Variants in MAGI1 observed in about 807,000 individuals in gnomAD.
MAGI1 encodes the protein membrane associated guanylate kinase, WW and PDZ domain containing 1, also known as membrane-associated guanylate kinase, WW and PDZ domain-containing protein 1.
A neutral mutation model predicts 139.9 loss-of-function variants in MAGI1; 58 were observed. The ratio of observed to expected loss-of-function variants is 0.41; its 90% CI spans 0.34 to 0.52. The LOEUF (loss-of-function observed/expected upper bound fraction) is 0.52. MAGI1 is among the 20% of genes least tolerant of loss of function. The pLI, the probability that MAGI1 is intolerant of heterozygous loss-of-function variation, is 0.12. For missense variants in MAGI1, 1,874 were observed against 1,901.6 expected (o/e 0.99, Z 0.27); for synonymous variants, 812 against 737.9 (o/e 1.10, Z -1.63).
At chr3:65,673,498 T>C (rs149578236) in intron 1 of MAGI1, among the ~76,000 whole-genome samples, 229 of 152,320 alleles carry the variant, frequency 1.5e-3, no homozygotes, top group Middle Eastern at 3.4e-3. Context: ...CCCTGGGGCA[T>C]ATTACCTTGG....
intron 12 of MAGI1, among the ~76,000 whole-genome samples, chr3:65,424,135 G>C (rs80333356): frequency 0.018 from 2,732 of 152,192 alleles, 77 homozygotes; most frequent in African/African-American, 0.062. Context: ...GTATGTATGT[G>C]TATTGCATGT....
At chr3:65,779,741 G>C (rs1432975762) in intron 1 of MAGI1, among the ~76,000 whole-genome samples, 1 of 152,184 alleles carries the variant, frequency 6.6e-6, no homozygotes, top group Non-Finnish European at 1.5e-5. Flanking sequence ...GCACCATGGA[G>C]AGAAAGATCT....
chr3:65,682,943 G>A (rs528647525), intron 1 of MAGI1, among the ~76,000 whole-genome samples: 2 of 152,162 alleles, frequency 1.3e-5, no homozygotes, highest in Admixed American at 1.3e-4. Context: ...ATGGTTTCGG[G>A]ATGAAACTGT....
intron 1 of MAGI1, among the ~76,000 whole-genome samples, chr3:65,939,077 A>G (rs951506943): frequency 6.6e-6 from 1 of 152,186 alleles, no homozygotes; most frequent in Non-Finnish European, 1.5e-5. Context: ...TTATATTGCT[A>G]AAGAAAAAGA....
intron 1 of MAGI1, among the ~76,000 whole-genome samples, chr3:65,787,826 A>T (rs1241168508): frequency 1.3e-5 from 2 of 152,132 alleles, no homozygotes; most frequent in Non-Finnish European, 2.9e-5. Flanking sequence ...TTTCTCAGAA[A>T]ATAATAGCCT....
chr3:65,679,229 G>C (rs988913991), intron 1 of MAGI1, among the ~76,000 whole-genome samples: 2 of 152,108 alleles, frequency 1.3e-5, no homozygotes, highest in African/African-American at 4.8e-5. Flanking sequence ...CATTGTGTTT[G>C]ATATATGAAT....
intron 1 of MAGI1, among the ~76,000 whole-genome samples, chr3:66,000,228 G>A (rs774205766): frequency 2.0e-5 from 3 of 151,716 alleles, no homozygotes; most frequent in Non-Finnish European, 4.4e-5. Flanking sequence ...TGCCCGCCTC[G>A]GCCTCCCAAA....
intron 4 of MAGI1, among the ~76,000 whole-genome samples, chr3:65,475,445 C>G (rs1002200470): frequency 1.7e-4 from 26 of 152,112 alleles, no homozygotes; most frequent in Admixed American, 3.9e-4. Flanking sequence ...AACTCCTGAC[C>G]TCAGGTGATC....
chr3:65,797,666 T>G (rs1470755757), intron 1 of MAGI1, among the ~76,000 whole-genome samples: 1 of 152,056 alleles, frequency 6.6e-6, no homozygotes, highest in African/African-American at 2.4e-5. Context: ...CAGTAGGCCA[T>G]GATCACACCA....
intron 1 of MAGI1, among the ~76,000 whole-genome samples, chr3:65,834,277 C>G (rs2042684098): frequency 6.6e-6 from 1 of 152,198 alleles, no homozygotes; most frequent in South Asian, 2.1e-4. Flanking sequence ...ATTTAAAGCT[C>G]AGAATGAATC....
chr3:65,814,280 T>C (rs2041465053), intron 1 of MAGI1, among the ~76,000 whole-genome samples: 1 of 152,066 alleles, frequency 6.6e-6, no homozygotes, highest in Non-Finnish European at 1.5e-5. Context: ...TTCTCTAAGG[T>C]GGTAGTAAAA....
At chr3:65,918,181 G>A (rs1029813451) in intron 1 of MAGI1, among the ~76,000 whole-genome samples, 1 of 152,140 alleles carries the variant, frequency 6.6e-6, no homozygotes, top group Non-Finnish European at 1.5e-5. Context: ...ACACACTGAG[G>A]TAGGGTCAGA....
At chr3:65,442,978 T>C in intron 7 of MAGI1, 129 bp from the exon 8 acceptor site, 3 of 560,016 alleles carry the variant, frequency 5.4e-6, no homozygotes, top group Non-Finnish European at 9.4e-6. Flanking sequence ...AAACTGTATA[T>C]CCTAACCAAA....
intron 1 of MAGI1, among the ~76,000 whole-genome samples, chr3:65,680,795 T>TATGATATATGATATATG (rs58365928): frequency 6.0e-5 from 9 of 151,160 alleles, no homozygotes; most frequent in Non-Finnish European, 1.0e-4. Context: ...TATGATATGA[T>TATGATATATGATATATG]ATACTTTAAT....
At chr3:65,695,009 T>G (rs1316573286) in intron 1 of MAGI1, among the ~76,000 whole-genome samples, 4 of 152,208 alleles carry the variant, frequency 2.6e-5, no homozygotes, top group Non-Finnish European at 5.9e-5. Flanking sequence ...CTCAAGGGAA[T>G]ATTTAGTAAA....
chr3:65,791,043 C>G (rs529106040), intron 1 of MAGI1, among the ~76,000 whole-genome samples: 113 of 152,206 alleles, frequency 7.4e-4, no homozygotes, highest in African/African-American at 2.6e-3. Context: ...TCACTGCACT[C>G]CAGCCTGGGC....
At chr3:65,905,893 G>A (rs1018443136) in intron 1 of MAGI1, among the ~76,000 whole-genome samples, 1 of 152,156 alleles carries the variant, frequency 6.6e-6, no homozygotes, top group Admixed American at 6.5e-5. Flanking sequence ...CTTTTCATCT[G>A]ACAGATTTTT....
In MAGI1 at chr3:65,794,428, G is replaced by T. The variant is rs922440526; in HGVS notation, c.314-172340C>A. Among the ~76,000 whole-genome samples, 3 of 152,218 alleles carry T rather than the reference G, an allele frequency of 2.0e-5. No individual in the cohort carries two copies. The East Asian group carries it at 5.8e-4, about 29-fold the overall frequency. ...GGCCTTCTCTTTATCCAGTGACTAA[G>T]ACTGCGCCCAGCAGCCACTTCCCCA... On this transcript the variant is annotated intron_variant, in intron 1 of 22. Coordinates refer to ENST00000402939, the MANE Select transcript of MAGI1 (RefSeq NM_001033057.2).
intron 1 of MAGI1, among the ~76,000 whole-genome samples, chr3:65,790,505 G>A (rs2039686315): frequency 6.6e-6 from 1 of 152,154 alleles, no homozygotes; most frequent in Admixed American, 6.5e-5. Flanking sequence ...AGCCAAATTA[G>A]ATGGCCATTT....
Sources: gnomAD v4.1 joint callset for allele counts (sites outside exome capture counted in the v4.1 genomes callset) on GRCh38, gnomAD v4.1.1 for gene constraint, MANE v1.5 for transcripts, NCBI Gene and HGNC (gene_info 2026-07-23, HGNC 2026-07-21) for gene names.